Variants in ARK2C observed in about 807,000 individuals in gnomAD.
ARK2C encodes the protein E3 ubiquitin-protein ligase ARK2C.
At chr18:46,413,990 C>T in the ARK2C span, among the ~76,000 whole-genome samples, 1 of 152,204 alleles carries the variant, frequency 6.6e-6, no homozygotes, top group African/African-American at 2.4e-5. Context: ...TCGGGTTCCT[C>T]TCTTAGAAAT....
chr18:46,450,871 T>G, the ARK2C span: 1 of 1,150,228 alleles, frequency 8.7e-7, no homozygotes, highest in Non-Finnish European at 1.3e-6. Context: ...GACTCTGGCC[T>G]GGTTGTTCAC....
At chr18:46,431,883 A>C in the ARK2C span, among the ~76,000 whole-genome samples, 1 of 152,212 alleles carries the variant, frequency 6.6e-6, no homozygotes, top group Non-Finnish European at 1.5e-5. Context: ...AGACTTGTCC[A>C]TTCCTTCTTG....
the ARK2C span, among the ~76,000 whole-genome samples, chr18:46,409,311 C>T: frequency 6.6e-6 from 1 of 152,170 alleles, no homozygotes; most frequent in Non-Finnish European, 1.5e-5. Flanking sequence ...TGATCTAGAA[C>T]AAACAAGTCC....
At chr18:46,355,312 C>G in the ARK2C span, among the ~76,000 whole-genome samples, 1 of 152,028 alleles carries the variant, frequency 6.6e-6, no homozygotes, top group South Asian at 2.1e-4. Flanking sequence ...ATGAACATAT[C>G]TGAGGGGAGC....
the ARK2C span, among the ~76,000 whole-genome samples, chr18:46,351,635 A>G: frequency 1.3e-5 from 2 of 152,138 alleles, no homozygotes; most frequent in African/African-American, 4.8e-5. Flanking sequence ...CTTTATAGGC[A>G]TCATCTCTTT....
the ARK2C span, among the ~76,000 whole-genome samples, chr18:46,424,372 G>A: frequency 4.0e-4 from 61 of 152,302 alleles, no homozygotes; most frequent in African/African-American, 1.4e-3. Context: ...GGGGGATTTG[G>A]GCAGGGAATG....
the ARK2C span, among the ~76,000 whole-genome samples, chr18:46,364,285 T>C: frequency 6.6e-6 from 1 of 152,018 alleles, no homozygotes; most frequent in Non-Finnish European, 1.5e-5. Context: ...TTTTCTGGGA[T>C]CTTCCTGCCC....
the ARK2C span, among the ~76,000 whole-genome samples, chr18:46,394,954 C>T: frequency 0.015 from 2,328 of 152,300 alleles, 57 homozygotes; most frequent in African/African-American, 0.053. Flanking sequence ...GGCTTTGCTC[C>T]GAATGTGCTA....
chr18:46,338,607 T>C, the ARK2C span, among the ~76,000 whole-genome samples: 1 of 152,090 alleles, frequency 6.6e-6, no homozygotes, highest in East Asian at 1.9e-4. Context: ...AAAGAACCCT[T>C]AAAATATCTT....
At chr18:46,426,015 G>T in the ARK2C span, among the ~76,000 whole-genome samples, 2 of 152,112 alleles carry the variant, frequency 1.3e-5, no homozygotes, top group African/African-American at 4.8e-5. Context: ...TTTTATAAGG[G>T]CAATAATCCT....
the ARK2C span, among the ~76,000 whole-genome samples, chr18:46,412,822 T>C: frequency 2.9e-4 from 44 of 152,050 alleles, no homozygotes; most frequent in Non-Finnish European, 2.9e-5. Context: ...GGCACACCTG[T>C]GGGCCAGGGG....
the ARK2C span, among the ~76,000 whole-genome samples, chr18:46,408,932 G>A: frequency 2.0e-5 from 3 of 152,166 alleles, no homozygotes; most frequent in Non-Finnish European, 4.4e-5. Flanking sequence ...TCAGTTCCCT[G>A]TTCATTGCCT....
At chr18:46,368,495 C>T in the ARK2C span, among the ~76,000 whole-genome samples, 10 of 152,294 alleles carry the variant, frequency 6.6e-5, no homozygotes, top group East Asian at 1.9e-3. Flanking sequence ...CTGCGTGTGC[C>T]CAGGTCACCT....
chr18:46,462,401 G>A, the ARK2C span: 1 of 152,732 alleles, frequency 6.5e-6, no homozygotes, highest in Admixed American at 6.5e-5. Context: ...GTGGGGATGA[G>A]GCCCCATGGG....
chr18:46,342,398 G>T, the ARK2C span, among the ~76,000 whole-genome samples: 3 of 152,224 alleles, frequency 2.0e-5, no homozygotes, highest in African/African-American at 7.2e-5. Flanking sequence ...AGTGGAAAAG[G>T]ATCTTTCCAG....
At chr18:46,373,576 G>C in the ARK2C span, among the ~76,000 whole-genome samples, 6 of 152,212 alleles carry the variant, frequency 3.9e-5, no homozygotes, top group Non-Finnish European at 7.3e-5. Context: ...ACAGTGCCTG[G>C]ACGCTGAGGG....
chr18:46,402,867 G>C, the ARK2C span, among the ~76,000 whole-genome samples: 2 of 152,272 alleles, frequency 1.3e-5, no homozygotes, highest in East Asian at 3.9e-4. Context: ...ATAGAATCAG[G>C]TCTCAGTACC....
At chr18:46,402,964 A>G in the ARK2C span, among the ~76,000 whole-genome samples, 1 of 152,188 alleles carries the variant, frequency 6.6e-6, no homozygotes, top group African/African-American at 2.4e-5. Context: ...TAATGATGCT[A>G]TGATTACTTT....
the ARK2C span, among the ~76,000 whole-genome samples, chr18:46,422,542 C>T: frequency 6.6e-6 from 1 of 152,228 alleles, no homozygotes; most frequent in Non-Finnish European, 1.5e-5. Flanking sequence ...GGGCGCAGCC[C>T]CACCGGCTTG....
Sources: gnomAD v4.1 joint callset for allele counts (sites outside exome capture counted in the v4.1 genomes callset) on GRCh38, gnomAD v4.1.1 for gene constraint, MANE v1.5 for transcripts, NCBI Gene and HGNC (gene_info 2026-07-23, HGNC 2026-07-21) for gene names.